The following DNAH10 variants were observed in gnomAD, a reference collection of about 807,000 sequenced individuals.
DNAH10 encodes dynein axonemal heavy chain 10.
Under a neutral mutation model 506.6 loss-of-function variants are expected in DNAH10, and 348 were observed. The ratio of observed to expected loss-of-function variants is 0.69; its 90% CI spans 0.63 to 0.75. DNAH10 has a LOEUF of 0.75. Among genes scored for constraint, DNAH10 ranks in the 30% least tolerant of loss-of-function variants. The pLI is 0.00. For missense variants in DNAH10, 5,179 were observed against 5,787.1 expected, an observed-to-expected ratio of 0.89 and a Z score of 3.41; for synonymous variants, 2,059 against 2,198.6, an observed-to-expected ratio of 0.94 and a Z score of 1.78.
At chr12:123,873,459 C>T (rs781509716) in intron 45 of DNAH10, 99 bp from the exon 46 acceptor site, 90 of 1,420,926 alleles carry the variant, frequency 6.3e-5, no homozygotes, top group Middle Eastern at 1.8e-4. Context: ...GTTCAGAGGC[C>T]AATGGATTTG....
intron 18 of DNAH10, among the ~76,000 whole-genome samples, chr12:123,805,614 G>A (rs1424617373): frequency 6.6e-6 from 1 of 152,126 alleles, no homozygotes; most frequent in African/African-American, 2.4e-5. Flanking sequence ...GATCATTCTA[G>A]GAAACCAGCC....
Position 123,846,262 on chromosome 12 carries a change from T to C in DNAH10, c.5814+108T>C. The C allele has an allele frequency of 1.5e-6, 2 of 1,333,982 alleles. No homozygotes were observed. Among genetic ancestry groups the C allele is most frequent in the South Asian group, 3.0e-5 (2 of 66,648 alleles). The allele number at this position is 1,333,982 out of a possible 1,614,324, so 82.6% of individuals were successfully genotyped here. A position where few individuals can be genotyped will look rare whatever the true frequency, so the allele number is the denominator to read the frequency against. On this transcript the variant is annotated intron_variant, in intron 32 of 78. Coordinates refer to ENST00000673944, the MANE Select transcript of DNAH10 (RefSeq NM_001372106.1). This position sits in a 1 kb window ranked among gnomAD's most constrained non-coding sequence, Gnocchi z 4.5. Reference sequence around the variant, plus strand: ...TGATTGAAATAGCAGGGGAGATCATTGCTTTGAAATCTCGAAAAGCTTTTC... The same window carrying C: ...TGATTGAAATAGCAGGGGAGATCATCGCTTTGAAATCTCGAAAAGCTTTTC...
In DNAH10 at chr12:123,913,071, A is replaced by G. The variant is rs200626638; in HGVS notation, c.10135-27A>G. On this transcript the variant is annotated intron_variant, in intron 59 of 78. Coordinates refer to ENST00000673944, the MANE Select transcript of DNAH10 (RefSeq NM_001372106.1). This position sits in a 1 kb window ranked among gnomAD's most constrained non-coding sequence, Gnocchi z 5.1. ...CGGCCCCACCACGGTCCTTTTCCCC[A>G]TCTTTTTGCAAATTGTCTTCACTTA... The G allele has an allele frequency of 3.9e-4, 615 of 1,585,568 alleles. 1 individual carries two copies. Among genetic ancestry groups the G allele is most frequent in the African/African-American group, 3.2e-3 (236 of 74,422 alleles).
intron 1 of DNAH10, 97 bp from the exon 2 acceptor site, chr12:123,767,509 A>C: frequency 1.7e-6 from 2 of 1,200,394 alleles, no homozygotes; most frequent in Non-Finnish European, 2.4e-6. Context: ...TGGGCCACAT[A>C]CCAACCCCTT....
chr12:123,926,911 C>T lies in DNAH10; in HGVS notation c.12105+91C>T. 1.4e-6 allele frequency: 2 copies of T among 1,406,052 alleles called. No individual in the cohort carries two copies. The highest frequency in any genetic ancestry group is 2.4e-5 in the East Asian group (1 of 41,730). The allele number at this position is 1,406,052 out of a possible 1,614,324, so 87.1% of individuals were successfully genotyped here. ...AGCTAACCTGGGTTTAAGCTGAGTG[C>T]CACGCCACAAATCAGTTGGATGCAT... is the stretch of plus-strand genomic sequence containing the variant. On this transcript the variant is annotated intron_variant, in intron 69 of 78. Coordinates refer to ENST00000673944, the MANE Select transcript of DNAH10 (RefSeq NM_001372106.1). This position sits in a 1 kb window ranked among gnomAD's most constrained non-coding sequence, Gnocchi z 4.1.
Position 123,847,975 on chromosome 12 carries a change from T to G in DNAH10, c.5829T>G (p.Tyr1943Ter). 1 of 1,613,054 alleles carries G rather than the reference T, an allele frequency of 6.2e-7. No homozygotes were observed. Among genetic ancestry groups the G allele is most frequent in the Non-Finnish European group, 8.5e-7 (1 of 1,179,486 alleles). ...GCTTATAACAGGCGCTGTCCATGTA[T>G]CTAGGTGGGGCCCCCGCCGGCCCAG... The part of the protein sequence containing the change: ...YLTLTQALSM[Y>*]LGGAPAGPAG... The change falls in exon 33 of 79, where the codon TAT becomes TAG. Residue 1943 changes from tyrosine to a stop codon, truncating the protein, a stop_gained. Transcript: ENST00000673944. LOFTEE classifies it high-confidence loss of function.
At chr12:123,866,170 TTTGTCC>T in intron 41 of DNAH10, 97 bp downstream of exon 41, 1 of 1,109,468 alleles carries the variant, frequency 9.0e-7, no homozygotes, top group East Asian at 3.2e-5. Context: ...AGGCGATGAC[TTTGTCC>T]TTGACCTGCC....
intron 46 of DNAH10, among the ~76,000 whole-genome samples, chr12:123,874,395 C>G (rs892966871): frequency 7.3e-5 from 11 of 151,682 alleles, no homozygotes; most frequent in African/African-American, 2.7e-4. Flanking sequence ...ATTTACCTAC[C>G]TATCTGTTCA....
chr12:123,805,841 A>G (rs1460757835), intron 18 of DNAH10, among the ~76,000 whole-genome samples: 1 of 146,250 alleles, frequency 6.8e-6, no homozygotes, highest in Non-Finnish European at 1.5e-5. Flanking sequence ...CAGTGGCATG[A>G]TCTCGGCTCA....
In DNAH10 at chr12:123,907,606, G is replaced by A. The variant is rs938615374; in HGVS notation, c.9816-1655G>A. Among the ~76,000 whole-genome samples, 1 of 152,142 alleles carries A rather than the reference G, an allele frequency of 6.6e-6. No individual in the cohort carries two copies. The highest frequency in any genetic ancestry group is 2.4e-5 in the African/African-American group (1 of 41,414). On this transcript the variant is annotated intron_variant, in intron 57 of 78. Coordinates refer to ENST00000673944, the MANE Select transcript of DNAH10 (RefSeq NM_001372106.1). This position sits in a 1 kb window ranked among gnomAD's most constrained non-coding sequence, Gnocchi z 4.4. ...GGGAACTGGAAGGTTCCAGTTCTGC[G>A]TCTCTACTTCACAGATGGGGAAACT...
Position 123,855,834 on chromosome 12 carries a change from C to T in DNAH10, c.6439-1222C>T, listed in dbSNP as rs74937676. ...CTTCTCCTTGCACGGCCCACCAGGA[C>T]ACTCAGCCTCCTAGGAGCAGGCCCA... On this transcript the variant is annotated intron_variant, in intron 36 of 78. Coordinates refer to ENST00000673944, the MANE Select transcript of DNAH10 (RefSeq NM_001372106.1). Among the ~76,000 whole-genome samples the T allele has an allele frequency of 9.1e-3, 1,372 of 151,042 alleles. 16 individuals carry two copies. The highest frequency in any genetic ancestry group is 0.025 in the African/African-American group (1,030 of 41,358).
chr12:123,931,522 T>G (rs1955207958), intron 74 of DNAH10, 50 bp downstream of exon 74: 1 of 1,607,616 alleles, frequency 6.2e-7, no homozygotes. Context: ...GTTTTACGAT[T>G]GCTTCTTGTA....
chr12:123,870,061 T>C (rs866871136), intron 43 of DNAH10, among the ~76,000 whole-genome samples: 2 of 152,112 alleles, frequency 1.3e-5, no homozygotes, highest in Admixed American at 6.5e-5. Context: ...CCCAGGGAAG[T>C]GTATGTCCAG....
At chr12:123,819,279 G>T in intron 23 of DNAH10, 29 bp downstream of exon 23, 1 of 1,543,566 alleles carries the variant, frequency 6.5e-7, no homozygotes, top group Non-Finnish European at 8.9e-7. Context: ...GTCTTACTGA[G>T]CGATCTGAGT....
At chr12:123,911,074 G>A (rs1182724708) in intron 59 of DNAH10, among the ~76,000 whole-genome samples, 3 of 150,134 alleles carry the variant, frequency 2.0e-5, no homozygotes, top group African/African-American at 7.4e-5. Flanking sequence ...GCCGAGCATG[G>A]TGGCACACAC....
At position 123,930,321 on chromosome 12, in the gene DNAH10, G is replaced by A. The variant is rs1000414838; in HGVS notation, c.12613-81G>A. Reference sequence around the variant, plus strand: ...GGCTGCTGGAGTCTCTTGACCCTGGGTGAGCCTCTGGCCCCGGGCCCCCAG... The same window carrying A: ...GGCTGCTGGAGTCTCTTGACCCTGGATGAGCCTCTGGCCCCGGGCCCCCAG... On this transcript the variant is annotated intron_variant, in intron 72 of 78. Coordinates refer to ENST00000673944, the MANE Select transcript of DNAH10 (RefSeq NM_001372106.1). The A allele has an allele frequency of 5.1e-6, 7 of 1,363,832 alleles. No homozygotes were observed. In the African/African-American group the frequency reaches 9.1e-5, roughly 18 times the overall value. The allele number at this position is 1,363,832 out of a possible 1,614,324, so 84.5% of individuals were successfully genotyped here. A position where few individuals can be genotyped will look rare whatever the true frequency, so the allele number is the denominator to read the frequency against.
In DNAH10 at chr12:123,800,348, T is replaced by C. The variant is rs1297741677; in HGVS notation, c.2422T>C (p.Leu808=). ...LEQLGFTVPE[L]ARNVALQEDK... is the part of the protein sequence containing the mutation. ...GCAGCTGGGGTTCACTGTCCCTGAA[T>C]TAGCAAGAAATGTTGCTCTCCAGGA... The change falls in exon 15 of 79, where the codon TTA becomes CTA. Residue 808 remains leucine, a synonymous_variant. Transcript: ENST00000673944. 1.2e-6 allele frequency: 2 copies of C among 1,613,962 alleles called. No homozygotes were observed. Among genetic ancestry groups the C allele is most frequent in the African/African-American group, 2.7e-5 (2 of 74,930 alleles).
chr12:123,797,344 T>C (rs1958316364), intron 13 of DNAH10, among the ~76,000 whole-genome samples: 1 of 152,148 alleles, frequency 6.6e-6, no homozygotes, highest in African/African-American at 2.4e-5. Context: ...TGTCCTTGCA[T>C]TCATGCTCAT....
chr12:123,768,092 G>A (rs1414887533), intron 2 of DNAH10, among the ~76,000 whole-genome samples: 1 of 151,670 alleles, frequency 6.6e-6, no homozygotes, highest in Non-Finnish European at 1.5e-5. Context: ...TGTCCCCTCT[G>A]TATCTTTCTT....
Sources: gnomAD v4.1 joint callset for allele counts (sites outside exome capture counted in the v4.1 genomes callset) on GRCh38, gnomAD v4.1.1 for gene constraint, Gnocchi (gnomAD v3.1) non-coding constraint, MANE v1.5 for transcripts, NCBI Gene and HGNC (gene_info 2026-07-23, HGNC 2026-07-21) for gene names.